Variants in FHOD3 observed in about 807,000 individuals in gnomAD.
FHOD3 encodes formin homology 2 domain containing 3, also known as FH1/FH2 domain-containing protein 3.
Under a neutral mutation model 173.0 loss-of-function variants are expected in FHOD3, and 90 were observed. That is an observed-to-expected ratio of 0.52 (90% CI 0.44 to 0.62). The LOEUF is 0.62. Among genes scored for constraint, FHOD3 ranks in the 20% least tolerant of loss-of-function variants. FHOD3 has a pLI of 0.00. For missense variants in FHOD3, 1,945 were observed against 2,034.7 expected (o/e 0.96, Z 0.85); for synonymous variants, 828 against 823.0 (o/e 1.01, Z -0.10).
At chr18:36,404,765 C>T (rs1263029806) in intron 3 of FHOD3, among the ~76,000 whole-genome samples, 1 of 152,166 alleles carries the variant, frequency 6.6e-6, no homozygotes, top group East Asian at 1.9e-4. Flanking sequence ...TATTGTTCCT[C>T]CATCCTTGGA....
intron 5 of FHOD3, among the ~76,000 whole-genome samples, chr18:36,548,361 C>T (rs1023936116): frequency 6.6e-6 from 1 of 152,098 alleles, no homozygotes; most frequent in Non-Finnish European, 1.5e-5. Context: ...TTATTTTTCT[C>T]TTTTGTTAGG....
rs1261169010 is a variant in FHOD3 at position 36,718,241 on chromosome 18, C to T, written c.2943C>T (p.Asp981=). The part of the protein sequence containing the change: ...QPKTESDYIW[D]QLMANPRELR... ...AGACAGAGTCTGATTACATCTGGGA[C>T]CAGCTCATGGCCAATCCAAGAGAGC... is the stretch of plus-strand genomic sequence containing the variant. Residue 981 remains aspartate (D), a synonymous_variant, in exon 19 of 29, where the codon GAC becomes GAT. Transcript: ENST00000590592. The T allele has an allele frequency of 6.2e-7, 1 of 1,614,028 alleles. No individual in the cohort carries two copies. Among genetic ancestry groups the T allele is most frequent in the Non-Finnish European group, 8.5e-7 (1 of 1,180,026 alleles).
chr18:36,339,910 G>A (rs1470831894), intron 1 of FHOD3, among the ~76,000 whole-genome samples: 1 of 152,196 alleles, frequency 6.6e-6, no homozygotes, highest in Non-Finnish European at 1.5e-5. Flanking sequence ...TACAAATTAT[G>A]TAGCTGGTCT....
At chr18:36,461,458 TG>T (rs2052553129) in intron 3 of FHOD3, among the ~76,000 whole-genome samples, 1 of 145,414 alleles carries the variant, frequency 6.9e-6, no homozygotes, top group South Asian at 2.1e-4. Context: ...TTTGTGTGTG[TG>T]TTTTTTTTTT....
chr18:36,408,519 C>A (rs1220710058), intron 3 of FHOD3, among the ~76,000 whole-genome samples: 1 of 152,088 alleles, frequency 6.6e-6, no homozygotes, highest in Non-Finnish European at 1.5e-5. Flanking sequence ...TGTCTCATGG[C>A]ACTGAGTGGG....
intron 3 of FHOD3, among the ~76,000 whole-genome samples, chr18:36,489,189 G>C (rs2054338774): frequency 6.6e-6 from 1 of 152,196 alleles, no homozygotes; most frequent in Non-Finnish European, 1.5e-5. Flanking sequence ...ATGGTTTCCT[G>C]TGGATGCTAC....
intron 9 of FHOD3, among the ~76,000 whole-genome samples, chr18:36,616,011 C>G (rs1279371839): frequency 6.6e-6 from 1 of 152,192 alleles, no homozygotes; most frequent in African/African-American, 2.4e-5. Context: ...CCAGCCCTGC[C>G]TCACTCCCTC....
intron 1 of FHOD3, among the ~76,000 whole-genome samples, chr18:36,318,508 CAT>C (rs2044238802): frequency 6.6e-6 from 1 of 152,180 alleles, no homozygotes; most frequent in Non-Finnish European, 1.5e-5. Context: ...GGAGTTCACA[CAT>C]GATTTGGCTC....
At chr18:36,335,421 G>A (rs1209519022) in intron 1 of FHOD3, among the ~76,000 whole-genome samples, 3 of 151,280 alleles carry the variant, frequency 2.0e-5, no homozygotes, top group Admixed American at 6.6e-5. Flanking sequence ...CGTGAACCCG[G>A]GAGGCAGAGC....
intron 3 of FHOD3, among the ~76,000 whole-genome samples, chr18:36,392,005 C>T (rs1271381924): frequency 2.6e-5 from 4 of 152,216 alleles, no homozygotes; most frequent in African/African-American, 7.2e-5. Flanking sequence ...CTGTGCTCAC[C>T]GCACACGTAA....
intron 28 of FHOD3, among the ~76,000 whole-genome samples, chr18:36,771,809 C>CTCT: frequency 6.6e-6 from 1 of 152,174 alleles, no homozygotes; most frequent in African/African-American, 2.4e-5. Context: ...AAGACAGAGA[C>CTCT]GTCCCATTTG....
At chr18:36,484,756 G>T (rs2054107661) in intron 3 of FHOD3, among the ~76,000 whole-genome samples, 1 of 152,152 alleles carries the variant, frequency 6.6e-6, no homozygotes, top group African/African-American at 2.4e-5. Context: ...CCCCCAGGGG[G>T]TGTGGTGAAG....
At chr18:36,719,981 T>C (rs952287440) in intron 19 of FHOD3, among the ~76,000 whole-genome samples, 1 of 152,200 alleles carries the variant, frequency 6.6e-6, no homozygotes, top group Non-Finnish European at 1.5e-5. Context: ...GTCTAAATCA[T>C]TTCCAGCCTC....
chr18:36,681,229 C>T (rs2038217317), intron 14 of FHOD3, among the ~76,000 whole-genome samples: 1 of 152,052 alleles, frequency 6.6e-6, no homozygotes, highest in Non-Finnish European at 1.5e-5. Flanking sequence ...CACCTTTTCT[C>T]CTGCGAGCAC....
chr18:36,485,477 T>C (rs751790249), intron 3 of FHOD3, among the ~76,000 whole-genome samples: 8 of 152,174 alleles, frequency 5.3e-5, no homozygotes, highest in Non-Finnish European at 8.8e-5. Context: ...TCTTAGCAGC[T>C]CCCAGTCCCT....
intron 5 of FHOD3, among the ~76,000 whole-genome samples, chr18:36,561,196 A>G (rs1346052277): frequency 6.6e-6 from 1 of 152,240 alleles, no homozygotes; most frequent in African/African-American, 2.4e-5. Flanking sequence ...AAAGCAAAAT[A>G]CTAGTCATTG....
At chr18:36,414,300 G>A (rs2049509725) in intron 3 of FHOD3, among the ~76,000 whole-genome samples, 1 of 152,216 alleles carries the variant, frequency 6.6e-6, no homozygotes, top group Admixed American at 6.5e-5. Context: ...AGAAAGCAAA[G>A]CTCATTCACA....
At chr18:36,602,395 A>G (rs2031510456) in intron 7 of FHOD3, among the ~76,000 whole-genome samples, 1 of 152,224 alleles carries the variant, frequency 6.6e-6, no homozygotes, top group Admixed American at 6.5e-5. Flanking sequence ...CATATTTAAT[A>G]TGAAGAAATT....
intron 24 of FHOD3, among the ~76,000 whole-genome samples, chr18:36,754,367 A>T (rs1043166748): frequency 2.0e-4 from 30 of 152,068 alleles, no homozygotes; most frequent in Admixed American, 1.4e-3. Flanking sequence ...TCTGTCTCCC[A>T]CTGTGTTCTT....
Sources: allele counts gnomAD v4.1 joint callset (sites outside exome capture counted in the v4.1 genomes callset), GRCh38; gene constraint gnomAD v4.1.1; transcripts MANE v1.5; gene names NCBI Gene and HGNC (gene_info 2026-07-23, HGNC 2026-07-21).